EML5: variants seen among roughly 807,000 people sequenced by gnomAD.
EML5 encodes EMAP like 5, also known as echinoderm microtubule-associated protein-like 5.
A neutral mutation model predicts 250.0 loss-of-function variants in EML5; 120 were observed. The observed-to-expected ratio is 0.48, with a 90% CI of 0.41 to 0.56. EML5 has a LOEUF of 0.56. Among genes scored for constraint, EML5 ranks in the 20% least tolerant of loss-of-function variants. EML5 has a pLI of 0.00. For synonymous variants in EML5, 771 were observed against 806.5 expected (o/e 0.96, Z 0.75); for missense variants, 2,006 against 2,437.6 (o/e 0.82, Z 3.73).
At chr14:88,697,198 A>C (rs1203185006) in intron 14 of EML5, among the ~76,000 whole-genome samples, 2 of 152,206 alleles carry the variant, frequency 1.3e-5, no homozygotes, top group Non-Finnish European at 2.9e-5. Flanking sequence ...TTTATCATAT[A>C]TTTCATCAAT....
intron 14 of EML5, 41 bp downstream of exon 14, chr14:88,702,405 G>A (rs778162497): frequency 1.6e-5 from 24 of 1,499,250 alleles, no homozygotes; most frequent in Non-Finnish European, 2.0e-5. Flanking sequence ...CTCAAACAAA[G>A]GTGTAGCTTA....
chr14:88,792,143 T>C lies in EML5; in HGVS notation c.197+164A>G, dbSNP rs1470222744. On this transcript the variant is annotated intron_variant, in intron 1 of 43. Transcript: ENST00000554922. The surrounding 1 kb of genome is among the most constrained non-coding windows in gnomAD (Gnocchi z 6.9). ...CTAGACGAGGAAGAGGGGAAAGGCA[T>C]TTGTAGGGTGTTAACTGGTGGACTC... Among the ~76,000 whole-genome samples the C allele has an allele frequency of 6.6e-6, 1 of 151,842 alleles. No individual in the cohort carries two copies. The highest frequency in any genetic ancestry group is 2.4e-5 in the African/African-American group (1 of 41,312).
At chr14:88,649,964 T>C in intron 27 of EML5, 38 bp from the exon 28 acceptor site, 2 of 1,435,250 alleles carry the variant, frequency 1.4e-6, no homozygotes, top group Non-Finnish European at 1.8e-6. Flanking sequence ...TAGGAAAACA[T>C]ATAAAAATTG....
intron 1 of EML5, among the ~76,000 whole-genome samples, chr14:88,791,768 T>C (rs996026211): frequency 6.6e-6 from 1 of 152,146 alleles, no homozygotes; most frequent in Admixed American, 6.5e-5. Context: ...GGAGGTTGCC[T>C]GGGGTTTCTG....
At chr14:88,701,570 G>T (rs1331688594) in intron 14 of EML5, among the ~76,000 whole-genome samples, 1 of 152,070 alleles carries the variant, frequency 6.6e-6, no homozygotes, top group Non-Finnish European at 1.5e-5. Context: ...GTAAGGAGAG[G>T]CACAAAGAAA....
rs562546000 is a variant in EML5 at position 88,617,041 on chromosome 14, A to AT, written c.5643-163dup. On this transcript the variant is annotated intron_variant, in intron 41 of 43. Transcript: ENST00000554922. ...GTTTGGAGACCTGAATTTCATCAGG[A>AT]TATCAACTCCTGCCTTTTAAAAATG... 1.3e-3 allele frequency: 689 copies of AT among 518,804 alleles called. 5 individuals are homozygous for AT. The highest frequency in any genetic ancestry group is 1.9e-3 in the Non-Finnish European group (579 of 299,634). 32.1% of individuals were successfully genotyped at this position (518,804 alleles called of 1,614,324 possible).
chr14:88,753,432 T>G (rs1311554655), intron 2 of EML5, among the ~76,000 whole-genome samples: 1 of 152,252 alleles, frequency 6.6e-6, no homozygotes, highest in East Asian at 1.9e-4. Context: ...GAACACACTG[T>G]AATTTGTTTC....
chr14:88,743,075 A>G (rs931433881), intron 4 of EML5, among the ~76,000 whole-genome samples: 1 of 152,122 alleles, frequency 6.6e-6, no homozygotes, highest in African/African-American at 2.4e-5. Context: ...AGCTGTAATT[A>G]TAAAACAAAA....
At chr14:88,758,509 A>G in intron 1 of EML5, among the ~76,000 whole-genome samples, 1 of 152,288 alleles carries the variant, frequency 6.6e-6, no homozygotes, top group East Asian at 1.9e-4. Context: ...TCTATATTTT[A>G]AAAGACAGAA....
chr14:88,636,668 G>T (rs2090755761), intron 32 of EML5, among the ~76,000 whole-genome samples: 2 of 151,906 alleles, frequency 1.3e-5, no homozygotes, highest in Non-Finnish European at 2.9e-5. Flanking sequence ...CACAAACAAA[G>T]AAACAAATAA....
chr14:88,759,539 C>T (rs921899521), intron 1 of EML5, among the ~76,000 whole-genome samples: 107 of 151,644 alleles, frequency 7.1e-4, no homozygotes, highest in Non-Finnish European at 1.9e-4. Context: ...AAACAACTAG[C>T]CAGGTGTGAT....
intron 31 of EML5, among the ~76,000 whole-genome samples, chr14:88,642,631 A>G (rs897198920): frequency 1.2e-4 from 19 of 152,210 alleles, no homozygotes; most frequent in Admixed American, 6.5e-5. Context: ...TTTAACATAC[A>G]GTAAAACCTC....
At chr14:88,663,253 T>C (rs1421807240) in intron 23 of EML5, 134 bp from the exon 24 acceptor site, 5 of 488,412 alleles carry the variant, frequency 1.0e-5, no homozygotes, top group African/African-American at 2.0e-5. Context: ...AGTCAACTTA[T>C]AGTAAGAACA....
In EML5 at chr14:88,704,964, ATCT is replaced by A. The variant is rs1320683370; in HGVS notation, c.1944_1946del (p.Glu648del). 1 of 1,610,724 alleles carries A rather than the reference ATCT, an allele frequency of 6.2e-7. No homozygotes were observed. The highest frequency in any genetic ancestry group is 8.5e-7 in the Non-Finnish European group (1 of 1,178,186). ...TGCACTGTTCTTTAAGCTGAGGTAG[ATCT>A]TCTTTGTAAACCTTTAAAAATGTAT... On this transcript the variant is annotated inframe_deletion, in exon 13 of 44. Transcript: ENST00000554922.
chr14:88,668,316 T>C (rs142984476), intron 21 of EML5, among the ~76,000 whole-genome samples: 35 of 151,830 alleles, frequency 2.3e-4, no homozygotes, highest in African/African-American at 8.0e-4. Flanking sequence ...CAGTCCTAAA[T>C]GCAGAGTGCA....
At chr14:88,698,130 G>T (rs1417346161) in intron 14 of EML5, among the ~76,000 whole-genome samples, 10 of 152,040 alleles carry the variant, frequency 6.6e-5, no homozygotes, top group Non-Finnish European at 1.3e-4. Context: ...TAACTTTTTA[G>T]AAAATTTTTA....
intron 1 of EML5, among the ~76,000 whole-genome samples, chr14:88,757,178 G>A (rs1421369503): frequency 6.6e-6 from 1 of 152,138 alleles, no homozygotes; most frequent in Non-Finnish European, 1.5e-5. Flanking sequence ...TACATTTGTG[G>A]TCAACTGATT....
At chr14:88,622,783 A>C in intron 36 of EML5, 65 bp from the exon 37 acceptor site, 1 of 1,147,738 alleles carries the variant, frequency 8.7e-7, no homozygotes, top group Non-Finnish European at 1.2e-6. Context: ...ATTATAAACA[A>C]ATACCAAGTT....
chr14:88,767,783 T>G (rs1009101396), intron 1 of EML5, among the ~76,000 whole-genome samples: 2 of 152,210 alleles, frequency 1.3e-5, no homozygotes, highest in Admixed American at 1.3e-4. Context: ...TCATCACACT[T>G]CATTACAATA....
Sources: allele counts gnomAD v4.1 joint callset (sites outside exome capture counted in the v4.1 genomes callset), GRCh38; gene constraint gnomAD v4.1.1; non-coding constraint Gnocchi (gnomAD v3.1); transcripts MANE v1.5; gene names NCBI Gene and HGNC (gene_info 2026-07-23, HGNC 2026-07-21).